The following ZFAT variants were observed in gnomAD, a reference collection of about 807,000 sequenced individuals.
The protein encoded by ZFAT is zinc finger and AT-hook domain containing.
In ZFAT, 64 loss-of-function variants were observed where a neutral mutation model predicts 117.7. The observed-to-expected ratio is 0.54, with a 90% CI of 0.44 to 0.67. ZFAT has a LOEUF of 0.67. Among genes scored for constraint, ZFAT ranks in the 30% least tolerant of loss-of-function variants. The probability of loss-of-function intolerance (pLI) is 0.00; values close to 1 mark genes in which losing one functional copy is unlikely to be tolerated. For synonymous variants in ZFAT, 679 were observed against 615.0 expected (o/e 1.10, Z -1.54); for missense variants, 1,433 against 1,584.5 (o/e 0.90, Z 1.62).
chr8:134,820,508 T>C, the ZFAT span, among the ~76,000 whole-genome samples: 4 of 152,218 alleles, frequency 2.6e-5, no homozygotes, highest in African/African-American at 9.6e-5. Context: ...CATGGTGCCT[T>C]ACAGCACAGT....
intron 11 of ZFAT, among the ~76,000 whole-genome samples, chr8:134,558,526 A>G (rs7005731): frequency 0.77 from 117,141 of 152,156 alleles, 45,280 homozygotes; most frequent in East Asian, 0.91. Flanking sequence ...AACAACAAGA[A>G]AAAAGTAAAA....
intron 10 of ZFAT, among the ~76,000 whole-genome samples, chr8:134,573,002 A>G (rs973205027): frequency 2.0e-5 from 3 of 152,232 alleles, no homozygotes; most frequent in Non-Finnish European, 2.9e-5. Context: ...AAGAACACAT[A>G]TTGTATGAAT....
In ZFAT at chr8:134,619,237, C is replaced by T. The variant is rs548274341; in HGVS notation, c.449-8582G>A. Among the ~76,000 whole-genome samples the T allele has an allele frequency of 1.8e-4, 27 of 151,734 alleles. No homozygotes were observed. In the East Asian group the frequency reaches 3.5e-3, roughly 20 times the overall value. On this transcript the variant is annotated intron_variant, in intron 3 of 15. Transcript: ENST00000377838. ...TGGGCAAAACCATTTCACACAAAGC[C>T]TATTTTATAATAATAATAATATAAA...
intron 11 of ZFAT, among the ~76,000 whole-genome samples, chr8:134,550,971 T>C (rs929294888): frequency 2.0e-5 from 3 of 152,212 alleles, no homozygotes; most frequent in South Asian, 4.1e-4. Flanking sequence ...TTTACTTCTT[T>C]CCCTCTGCCC....
the ZFAT span, among the ~76,000 whole-genome samples, chr8:134,745,243 G>C: frequency 1.3e-5 from 2 of 152,170 alleles, no homozygotes; most frequent in African/African-American, 4.8e-5. Context: ...GTGGAGCCTG[G>C]AATTCTGTCT....
intron 2 of ZFAT, among the ~76,000 whole-genome samples, chr8:134,641,991 C>T (rs185287634): frequency 1.7e-3 from 266 of 152,264 alleles, no homozygotes; most frequent in Admixed American, 4.7e-3. Flanking sequence ...AATTTAATAA[C>T]GTAAGCCCTT....
chr8:134,675,439 G>A (rs1256922921), intron 1 of ZFAT, among the ~76,000 whole-genome samples: 1 of 152,184 alleles, frequency 6.6e-6, no homozygotes, highest in Non-Finnish European at 1.5e-5. Context: ...AAGCCTCCAA[G>A]AAATATGGGA....
intron 1 of ZFAT, among the ~76,000 whole-genome samples, chr8:134,695,381 C>T (rs376274620): frequency 2.7e-5 from 4 of 147,354 alleles, no homozygotes; most frequent in Non-Finnish European, 4.4e-5. Flanking sequence ...GCCCTCCGTC[C>T]GTAACTAAGG....
intron 2 of ZFAT, among the ~76,000 whole-genome samples, chr8:134,655,905 T>C (rs1457259550): frequency 1.3e-5 from 2 of 151,142 alleles, no homozygotes; most frequent in African/African-American, 2.4e-5. Context: ...AATACAAAAC[T>C]TAGCTGGGTG....
At chr8:134,537,041 C>A (rs1474660932) in intron 11 of ZFAT, among the ~76,000 whole-genome samples, 2 of 152,188 alleles carry the variant, frequency 1.3e-5, no homozygotes, top group Non-Finnish European at 1.5e-5. Flanking sequence ...AGTTCTTAAC[C>A]AAAGTAATGA....
At chr8:134,608,675 G>T in intron 5 of ZFAT, 54 bp downstream of exon 5, 2 of 1,586,304 alleles carry the variant, frequency 1.3e-6, no homozygotes, top group Admixed American at 1.9e-5. Flanking sequence ...GCACTCTGTG[G>T]AGTTCACTCA....
chr8:134,542,874 G>A (rs1822376423), intron 11 of ZFAT, among the ~76,000 whole-genome samples: 1 of 151,998 alleles, frequency 6.6e-6, no homozygotes, highest in African/African-American at 2.4e-5. Flanking sequence ...GAAGAGATGG[G>A]GTAATGTGCA....
chr8:134,595,451 T>A (rs191915357), intron 7 of ZFAT, among the ~76,000 whole-genome samples: 6 of 152,296 alleles, frequency 3.9e-5, no homozygotes, highest in African/African-American at 1.4e-4. Flanking sequence ...GTACTTTTTA[T>A]CTCCGTTTTT....
chr8:134,531,797 C>T (rs1484073417), intron 12 of ZFAT, among the ~76,000 whole-genome samples: 9 of 152,248 alleles, frequency 5.9e-5, no homozygotes, highest in Non-Finnish European at 5.9e-5. Context: ...AGCCCTGTCA[C>T]TGAAAGTGCT....
At chr8:134,729,635 G>T in the ZFAT span, among the ~76,000 whole-genome samples, 2 of 152,126 alleles carry the variant, frequency 1.3e-5, no homozygotes, top group Non-Finnish European at 2.9e-5. Flanking sequence ...GTCAGGCCCC[G>T]CTTCTGACTG....
chr8:134,781,493 A>T, the ZFAT span, among the ~76,000 whole-genome samples: 25 of 152,136 alleles, frequency 1.6e-4, no homozygotes, highest in African/African-American at 6.0e-4. Flanking sequence ...ATACCCTTAA[A>T]GTCTTCCAGA....
At chr8:134,826,086 C>A in the ZFAT span, among the ~76,000 whole-genome samples, 1 of 151,190 alleles carries the variant, frequency 6.6e-6, no homozygotes, top group Non-Finnish European at 1.5e-5. Context: ...AAGCAAAAAA[C>A]CATTTCCATA....
intron 15 of ZFAT, among the ~76,000 whole-genome samples, chr8:134,505,743 T>C (rs1020247086): frequency 6.6e-6 from 1 of 152,210 alleles, no homozygotes; most frequent in Non-Finnish European, 1.5e-5. Flanking sequence ...GAAAGGAATC[T>C]TTCCCAGAAA....
At chr8:134,558,396 T>C (rs1231981561) in intron 11 of ZFAT, among the ~76,000 whole-genome samples, 2 of 152,182 alleles carry the variant, frequency 1.3e-5, no homozygotes, top group Non-Finnish European at 2.9e-5. Context: ...ATATCAGTGT[T>C]CATATTTTTC....
Sources: allele counts gnomAD v4.1 joint callset (sites outside exome capture counted in the v4.1 genomes callset), GRCh38; gene constraint gnomAD v4.1.1; transcripts MANE v1.5; gene names NCBI Gene and HGNC (gene_info 2026-07-23, HGNC 2026-07-21).